Variants in HMG20A observed in about 807,000 individuals in gnomAD.
HMG20A encodes high mobility group protein 20A.
Under a neutral mutation model 43.9 loss-of-function variants are expected in HMG20A, and 17 were observed. The observed-to-expected ratio is 0.39, with a 90% CI of 0.27 to 0.58. HMG20A has a LOEUF of 0.58. Among genes scored for constraint, HMG20A ranks in the 20% least tolerant of loss-of-function variants. The probability of loss-of-function intolerance (pLI) is 0.59; values close to 1 mark genes in which losing one functional copy is unlikely to be tolerated. For missense variants in HMG20A, 341 were observed against 438.2 expected, an observed-to-expected ratio of 0.78 and a Z score of 1.98; for synonymous variants, 132 against 147.5, an observed-to-expected ratio of 0.89 and a Z score of 0.76.
At chr15:77,422,485 G>C (rs992413818) in intron 1 of HMG20A, among the ~76,000 whole-genome samples, 2 of 152,086 alleles carry the variant, frequency 1.3e-5, no homozygotes, top group Non-Finnish European at 2.9e-5. Context: ...GCGTGGTGGC[G>C]TGCGCCTGTA....
chr15:77,501,006 A>G, the HMG20A span, among the ~76,000 whole-genome samples: 1 of 151,934 alleles, frequency 6.6e-6, no homozygotes. Context: ...TGATCCCCAA[A>G]CTCAGAATTC....
intron 2 of HMG20A, among the ~76,000 whole-genome samples, chr15:77,460,550 C>T (rs941637421): frequency 2.0e-5 from 3 of 151,992 alleles, no homozygotes; most frequent in East Asian, 1.9e-4. Context: ...GAAGTTTAGG[C>T]GAGACAGAGA....
At position 77,471,056 on chromosome 15, in the gene HMG20A, A is replaced by T; in HGVS notation, c.583+14A>T. ...CTCATAGGCAAGGTATCAAAACCAG[A>T]ACCAAATGTATTTGTAGTTTGTTGT... On this transcript the variant is annotated intron_variant, in intron 5 of 9. Coordinates refer to ENST00000336216, the MANE Select transcript of HMG20A (RefSeq NM_001304504.2). 6.2e-7 allele frequency: 1 copy of T among 1,605,732 alleles called. No homozygotes were observed. The highest frequency in any genetic ancestry group is 8.5e-7 in the Non-Finnish European group (1 of 1,177,624).
downstream of HMG20A, among the ~76,000 whole-genome samples, chr15:77,489,053 A>G (rs1297344876): frequency 6.6e-6 from 1 of 152,248 alleles, no homozygotes; most frequent in African/African-American, 2.4e-5. Context: ...CATCTGTAAC[A>G]TAGTGATATT....
At chr15:77,486,574 G>A (rs1301458952), downstream of HMG20A, among the ~76,000 whole-genome samples, 2 of 152,064 alleles carry the variant, frequency 1.3e-5, no homozygotes, top group Non-Finnish European at 2.9e-5. Flanking sequence ...CTTGCTTTTT[G>A]AAAATAACTA....
Position 77,479,241 on chromosome 15 carries a change from A to G in HMG20A, c.970A>G (p.Ile324Val), listed in dbSNP as rs778846953. 2 of 1,614,004 alleles carry G rather than the reference A, an allele frequency of 1.2e-6. No individual in the cohort carries two copies. The highest frequency in any genetic ancestry group is 8.5e-7 in the Non-Finnish European group (1 of 1,179,846). ...ATATATGAACAGACTGCACAGTATT[A>G]TTTTAGCTAATCCCCAAGACAATGA... is the stretch of plus-strand genomic sequence containing the variant. ...DSYMNRLHSI[I>V]LANPQDNENF... Residue 324 changes from isoleucine to valine, a missense_variant, in exon 9 of 10, where the codon ATT becomes GTT. Physicochemically the swap from Ile to Val is conservative, Grantham distance 29. Transcript: ENST00000336216.
the HMG20A span, among the ~76,000 whole-genome samples, chr15:77,518,027 C>G: frequency 7.6e-4 from 115 of 152,264 alleles, no homozygotes; most frequent in Non-Finnish European, 1.1e-3. Flanking sequence ...AATCCCTCCC[C>G]ACCTATCCCT....
intron 1 of HMG20A, among the ~76,000 whole-genome samples, chr15:77,452,388 G>C (rs2072612011): frequency 6.6e-6 from 1 of 152,196 alleles, no homozygotes; most frequent in South Asian, 2.1e-4. Flanking sequence ...GTTTAGTACA[G>C]AATGCTCTGG....
the HMG20A span, among the ~76,000 whole-genome samples, chr15:77,498,407 T>C: frequency 6.6e-6 from 1 of 152,216 alleles, no homozygotes; most frequent in South Asian, 2.1e-4. Context: ...TAACTCTGTT[T>C]ATTCTCTGGG....
At chr15:77,461,547 G>A (rs566893923) in intron 2 of HMG20A, among the ~76,000 whole-genome samples, 100 of 152,302 alleles carry the variant, frequency 6.6e-4, no homozygotes, top group African/African-American at 2.3e-3. Context: ...GTGGGCTTTA[G>A]CTAGGAACAT....
intron 1 of HMG20A, among the ~76,000 whole-genome samples, chr15:77,442,657 C>A (rs1013531615): frequency 2.4e-4 from 37 of 152,078 alleles, no homozygotes; most frequent in African/African-American, 8.9e-4. Context: ...ATATCATTAG[C>A]AACTATCTTT....
the HMG20A span, among the ~76,000 whole-genome samples, chr15:77,502,931 G>C: frequency 6.6e-6 from 1 of 152,106 alleles, no homozygotes; most frequent in Non-Finnish European, 1.5e-5. Flanking sequence ...GATCCCACTG[G>C]ACTCCAGGCT....
In HMG20A at chr15:77,467,143, C is replaced by A. The variant is rs1419663330; in HGVS notation, c.286C>A (p.Pro96Thr). ...GTCCAAAGGAAGAAAGAGGAAGAAA[C>A]CTCTTCGAGACAGCAATGCACCCAA... Reference protein sequence around the residue: ...GWSKGRKRKKPLRDSNAPKSP... With the variant: ...GWSKGRKRKKTLRDSNAPKSP... Residue 96 changes from proline (P) to threonine (T), a missense_variant, in exon 4 of 10, where the codon CCT becomes ACT. Around this residue, in one of 3 missense-constraint regions of HMG20A, gnomAD observed 220 missense variants for 263.6 expected, o/e 0.83. Coordinates refer to ENST00000336216, the MANE Select transcript of HMG20A (RefSeq NM_001304504.2). 6.2e-7 allele frequency: 1 copy of A among 1,614,020 alleles called. No individual in the cohort carries two copies. The highest frequency in any genetic ancestry group is 1.7e-5 in the Admixed American group (1 of 59,998).
At position 77,478,246 on chromosome 15, in the gene HMG20A, A is replaced by G. The variant is rs2072873878; in HGVS notation, c.692-49A>G. The G allele has an allele frequency of 1.9e-6, 3 of 1,593,164 alleles. No homozygotes were observed. The South Asian group carries it at 3.3e-5, about 18-fold the overall frequency. The stretch of plus-strand genomic sequence containing the variant: ...CCTGTAAGAGTCATTGGGACTCCTC[A>G]GAGACTCCTTCTAGTGCTGCATGTG... On this transcript the variant is annotated intron_variant, in intron 7 of 9. Transcript: ENST00000336216.
At chr15:77,516,882 G>T in the HMG20A span, among the ~76,000 whole-genome samples, 1 of 152,186 alleles carries the variant, frequency 6.6e-6, no homozygotes, top group African/African-American at 2.4e-5. Flanking sequence ...GGGGACTAAG[G>T]CCAGGTGCCA....
At chr15:77,469,812 C>A (rs1212856698) in intron 4 of HMG20A, among the ~76,000 whole-genome samples, 1 of 152,086 alleles carries the variant, frequency 6.6e-6, no homozygotes, top group Non-Finnish European at 1.5e-5. Flanking sequence ...GGACTACAGG[C>A]GTGCACCATC....
the HMG20A span, among the ~76,000 whole-genome samples, chr15:77,491,011 C>T: frequency 2.0e-5 from 3 of 152,350 alleles, no homozygotes; most frequent in African/African-American, 4.8e-5. Flanking sequence ...GGAATGGTCT[C>T]CTTTTTAATT....
At chr15:77,428,962 C>CAA (rs36116258) in intron 1 of HMG20A, among the ~76,000 whole-genome samples, 39 of 107,158 alleles carry the variant, frequency 3.6e-4, no homozygotes, top group African/African-American at 6.1e-4. Context: ...GACTCTGTCT[C>CAA]AAAAAAAAAA....
chr15:77,431,559 G>A, intron 1 of HMG20A, among the ~76,000 whole-genome samples: 1 of 151,918 alleles, frequency 6.6e-6, no homozygotes, highest in East Asian at 1.9e-4. Flanking sequence ...TATTTATCAT[G>A]TACAGCATGA....
Sources: allele counts gnomAD v4.1 joint callset (sites outside exome capture counted in the v4.1 genomes callset), GRCh38; gene constraint gnomAD v4.1.1; regional missense constraint gnomAD v4.1.1; transcripts MANE v1.5; gene names NCBI Gene and HGNC (gene_info 2026-07-23, HGNC 2026-07-21).